The following RBM20 variants were observed in gnomAD, a reference collection of about 807,000 sequenced individuals.
RBM20 encodes the protein RNA-binding protein 20.
A neutral mutation model predicts 110.1 loss-of-function variants in RBM20; 51 were observed. The ratio of observed to expected loss-of-function variants is 0.46; its 90% confidence interval spans 0.37 to 0.59. RBM20 has a LOEUF of 0.59. RBM20 is among the 20% of genes least tolerant of loss of function. RBM20 has a pLI of 0.00. For synonymous variants in RBM20, 589 were observed against 618.2 expected (o/e 0.95, Z 0.70); for missense variants, 1,512 against 1,574.9 (o/e 0.96, Z 0.68).
chr10:110,725,916 C>T (rs573221039), intron 1 of RBM20, among the ~76,000 whole-genome samples: 6 of 152,314 alleles, frequency 3.9e-5, no homozygotes, highest in Admixed American at 3.3e-4. Flanking sequence ...GAATCTGCTG[C>T]GTGTGCAGCC....
At chr10:110,667,387 A>G (rs1862193910) in intron 1 of RBM20, among the ~76,000 whole-genome samples, 1 of 152,194 alleles carries the variant, frequency 6.6e-6, no homozygotes, top group Non-Finnish European at 1.5e-5. Flanking sequence ...GAGGAGGCTC[A>G]GTGCTCTAAG....
chr10:110,830,292 C>A (rs1437162281), intron 12 of RBM20, among the ~76,000 whole-genome samples: 1 of 152,258 alleles, frequency 6.6e-6, no homozygotes, highest in Non-Finnish European at 1.5e-5. Context: ...GACATTGTCA[C>A]TCCTCTCTGG....
intron 7 of RBM20, among the ~76,000 whole-genome samples, chr10:110,803,811 G>GA (rs1844661047): frequency 1.3e-4 from 1 of 7,414 alleles, no homozygotes; most frequent in East Asian, 3.8e-3. Flanking sequence ...GTTGGCTTAA[G>GA]CAAAAAAAAA....
intron 1 of RBM20, among the ~76,000 whole-genome samples, chr10:110,765,274 G>A (rs1422506914): frequency 6.6e-6 from 1 of 151,900 alleles, no homozygotes; most frequent in Non-Finnish European, 1.5e-5. Context: ...TTAATTGCTG[G>A]AATTTGGCAG....
chr10:110,702,278 A>C (rs1218609846), intron 1 of RBM20, among the ~76,000 whole-genome samples: 3 of 152,188 alleles, frequency 2.0e-5, no homozygotes. Context: ...GGTGGCTCAC[A>C]CCTGTAATCC....
At chr10:110,652,989 C>T (rs533419245) in intron 1 of RBM20, among the ~76,000 whole-genome samples, 5 of 152,304 alleles carry the variant, frequency 3.3e-5, no homozygotes, top group African/African-American at 1.2e-4. Context: ...TCTGTTCCTT[C>T]CTGCCAAACA....
intron 1 of RBM20, among the ~76,000 whole-genome samples, chr10:110,777,188 G>A (rs10885044): frequency 0.33 from 49,674 of 152,084 alleles, 8,361 homozygotes; most frequent in East Asian, 0.45. Flanking sequence ...ACTTATGTCT[G>A]GTGGAGTAGA....
chr10:110,700,858 T>TA (rs1167843604), intron 1 of RBM20, among the ~76,000 whole-genome samples: 1 of 151,784 alleles, frequency 6.6e-6, no homozygotes, highest in Non-Finnish European at 1.5e-5. Context: ...TCTACTAAAA[T>TA]AAAAAAATTA....
At chr10:110,676,963 C>T (rs574364228) in intron 1 of RBM20, among the ~76,000 whole-genome samples, 53 of 152,316 alleles carry the variant, frequency 3.5e-4, no homozygotes, top group African/African-American at 1.2e-3. Context: ...TACTTGTAGA[C>T]TGTCTTAGGC....
Position 110,781,833 on chromosome 10 carries a change from C to G in RBM20, c.1224C>G (p.Leu408=). The G allele has an allele frequency of 6.4e-7, 1 of 1,551,776 alleles. No homozygotes were observed. The highest frequency in any genetic ancestry group is 8.7e-7 in the Non-Finnish European group (1 of 1,147,016). ...ELNDFHGVAP[L]HLPHICSICD... is the part of the protein sequence containing the mutation. ...ACGACTTTCACGGTGTGGCCCCCCT[C>G]CACTTGCCGCATATCTGTAGCATCT... Residue 408 remains leucine, a synonymous_variant, in exon 2 of 14, where the codon CTC becomes CTG. Coordinates refer to ENST00000369519, the MANE Select transcript of RBM20 (RefSeq NM_001134363.3).
chr10:110,737,301 G>C (rs192235403), intron 1 of RBM20, among the ~76,000 whole-genome samples: 423 of 152,012 alleles, frequency 2.8e-3, no homozygotes, highest in South Asian at 5.0e-3. Flanking sequence ...GTCCTCACCA[G>C]GCACCAAATC....
chr10:110,695,163 G>T (rs1862644004), intron 1 of RBM20, among the ~76,000 whole-genome samples: 2 of 152,158 alleles, frequency 1.3e-5, no homozygotes, highest in Admixed American at 6.5e-5. Context: ...TCTGGCCCCT[G>T]CTGAGTGGAT....
chr10:110,825,089 A>G (rs1374097167), intron 12 of RBM20, among the ~76,000 whole-genome samples: 35 of 152,080 alleles, frequency 2.3e-4, no homozygotes, highest in Non-Finnish European at 1.5e-5. Flanking sequence ...ATCTCCCAAG[A>G]CAAAAACATA....
intron 5 of RBM20, among the ~76,000 whole-genome samples, chr10:110,787,448 G>A (rs10787281): frequency 0.78 from 117,980 of 152,134 alleles, 46,701 homozygotes; most frequent in East Asian, 1. Context: ...GTGAAGAGTC[G>A]GGGGGAAACC....
intron 1 of RBM20, among the ~76,000 whole-genome samples, chr10:110,779,569 A>T (rs189622361): frequency 2.6e-4 from 39 of 152,354 alleles, no homozygotes; most frequent in Non-Finnish European, 4.4e-4. Context: ...GGTCAGAAGC[A>T]TGAGTAAAAC....
chr10:110,783,823 A>G (rs935559996), intron 3 of RBM20, among the ~76,000 whole-genome samples: 2 of 152,236 alleles, frequency 1.3e-5, no homozygotes, highest in Non-Finnish European at 2.9e-5. Context: ...CATTGTGCAA[A>G]TGTTACCACT....
intron 8 of RBM20, among the ~76,000 whole-genome samples, chr10:110,810,804 TGTGTGTGTGTGCGTGTGTGC>T (rs1844756474): frequency 1.3e-5 from 2 of 150,190 alleles, no homozygotes; most frequent in Non-Finnish European, 3.0e-5. Flanking sequence ...CGTGTGTGTG[TGTGTGTGTGTGCGTGTGTGC>T]GTGTGTGTGT....
At chr10:110,833,922 A>G (rs1320443043) in intron 13 of RBM20, among the ~76,000 whole-genome samples, 1 of 152,112 alleles carries the variant, frequency 6.6e-6, no homozygotes, top group African/African-American at 2.4e-5. Flanking sequence ...CCCCCACCCC[A>G]AGCAGCAGGT....
rs1564660858 is a variant in RBM20, at chr10:110,812,410, T to TG, written c.2015dup (p.Arg673ProfsTer27). The stretch of plus-strand genomic sequence containing the variant: ...GCCCCTCCCGGGCTGACTGGGGCAA[T>TG]GGCCGGGACTCCTGGGAGCACTCTC... On this transcript the variant is annotated frameshift_variant, in exon 9 of 14. Transcript: ENST00000369519. LOFTEE classifies it high-confidence loss of function. The TG allele has an allele frequency of 3.2e-6, 5 of 1,551,616 alleles. No homozygotes were observed. Among genetic ancestry groups the TG allele is most frequent in the Non-Finnish European group, 4.4e-6 (5 of 1,146,972 alleles).
Sources: gnomAD v4.1 joint callset for allele counts (sites outside exome capture counted in the v4.1 genomes callset) on GRCh38, gnomAD v4.1.1 for gene constraint, MANE v1.5 for transcripts, NCBI Gene and HGNC (gene_info 2026-07-23, HGNC 2026-07-21) for gene names.